The following GRK5 variants were observed in gnomAD, a reference collection of about 807,000 sequenced individuals.
The protein encoded by GRK5 is G protein-coupled receptor kinase 5, also known as g protein-coupled receptor kinase GRK5.
A neutral mutation model predicts 78.4 loss-of-function variants in GRK5; 40 were observed. That is an observed-to-expected ratio of 0.51 (90% CI 0.40 to 0.66). GRK5 has a LOEUF of 0.66. Among genes scored for constraint, GRK5 ranks in the 30% least tolerant of loss-of-function variants. GRK5 has a pLI of 0.00. For missense variants in GRK5, 598 were observed against 759.9 expected, an observed-to-expected ratio of 0.79 and a Z score of 2.50; for synonymous variants, 289 against 296.8, an observed-to-expected ratio of 0.97 and a Z score of 0.27.
In GRK5 at chr10:119,453,278, T is replaced by C; in HGVS notation, c.1674+2T>C. 1 of 1,613,770 alleles carries C rather than the reference T, an allele frequency of 6.2e-7. No homozygotes were observed. Among genetic ancestry groups the C allele is most frequent in the Non-Finnish European group, 8.5e-7 (1 of 1,179,956 alleles). On this transcript the variant is annotated splice_donor_variant, in intron 15 of 15. Coordinates refer to ENST00000392870, the MANE Select transcript of GRK5 (RefSeq NM_005308.3). LOFTEE classifies it high-confidence loss of function. ...CTCCAGAGACTCTTCAAGCGGCAGG[T>C]GAGACACCCATGCCTGGCCAGTCCT...
chr10:119,396,581 A>C, intron 3 of GRK5, 114 bp from the exon 4 acceptor site: 1 of 801,106 alleles, frequency 1.2e-6, no homozygotes, highest in Non-Finnish European at 2.1e-6. Flanking sequence ...CTGCAGGAGA[A>C]GGGGGTTGGT....
At chr10:119,377,479 C>A (rs1851643504) in intron 2 of GRK5, among the ~76,000 whole-genome samples, 1 of 152,144 alleles carries the variant, frequency 6.6e-6, no homozygotes, top group Admixed American at 6.5e-5. Context: ...AGAAAATGAA[C>A]CCATTGATCT....
chr10:119,285,737 A>G (rs1464208459), intron 1 of GRK5, among the ~76,000 whole-genome samples: 1 of 152,210 alleles, frequency 6.6e-6, no homozygotes, highest in Non-Finnish European at 1.5e-5. Flanking sequence ...TAACAACAAC[A>G]GTAAAACCTG....
In GRK5 at chr10:119,445,535, CTG is replaced by C. The variant is rs770694827; in HGVS notation, c.1266+1784_1266+1785del. On this transcript the variant is annotated intron_variant, in intron 12 of 15. Coordinates refer to ENST00000392870, the MANE Select transcript of GRK5 (RefSeq NM_005308.3). The surrounding 1 kb of genome is among the most constrained non-coding windows in gnomAD (Gnocchi z 4.1). ...TCCCTCTGCTGCCCCCTGGTGGACA[CTG>C]AGAGAAAGCCTGCTGCTCCCGGAGG... Among the ~76,000 whole-genome samples, 2 of 152,170 alleles carry C rather than the reference CTG, an allele frequency of 1.3e-5. No homozygotes were observed. The highest frequency in any genetic ancestry group is 2.9e-5 in the Non-Finnish European group (2 of 68,028).
chr10:119,322,262 G>T (rs1318728354), intron 1 of GRK5, among the ~76,000 whole-genome samples: 1 of 152,170 alleles, frequency 6.6e-6, no homozygotes, highest in East Asian at 1.9e-4. Context: ...CCCAACCCTT[G>T]ACATTTTAGA....
At chr10:119,258,743 TC>T (rs1273145558) in intron 1 of GRK5, among the ~76,000 whole-genome samples, 1 of 151,728 alleles carries the variant, frequency 6.6e-6, no homozygotes, top group South Asian at 2.1e-4. Flanking sequence ...GCCAGGAAAC[TC>T]CCCCCACCTC....
intron 1 of GRK5, among the ~76,000 whole-genome samples, chr10:119,221,394 A>G: frequency 6.6e-6 from 1 of 152,140 alleles, no homozygotes; most frequent in East Asian, 1.9e-4. Context: ...GCCTTTCCAT[A>G]TCTGTGTTTA....
At chr10:119,405,986 C>G (rs181883753) in intron 4 of GRK5, among the ~76,000 whole-genome samples, 15 of 152,258 alleles carry the variant, frequency 9.9e-5, no homozygotes, top group Admixed American at 8.5e-4. Flanking sequence ...AAGATTAAAT[C>G]CAAGCTAGAT....
chr10:119,224,024 G>A (rs1274782308), intron 1 of GRK5, among the ~76,000 whole-genome samples: 2 of 152,062 alleles, frequency 1.3e-5, no homozygotes, highest in Admixed American at 1.3e-4. Flanking sequence ...AGTCCGGCAC[G>A]GTGGCACTCA....
At chr10:119,276,925 A>G (rs1002815671) in intron 1 of GRK5, among the ~76,000 whole-genome samples, 16 of 152,214 alleles carry the variant, frequency 1.1e-4, no homozygotes, top group African/African-American at 3.9e-4. Flanking sequence ...GGGTCGTACC[A>G]TGATCAATTA....
intron 4 of GRK5, among the ~76,000 whole-genome samples, chr10:119,400,255 A>T (rs1852126369): frequency 6.6e-6 from 1 of 152,166 alleles, no homozygotes; most frequent in South Asian, 2.1e-4. Context: ...GTGCTCAGGG[A>T]AGTGTGGGGT....
intron 2 of GRK5, among the ~76,000 whole-genome samples, chr10:119,364,819 G>C (rs1308151634): frequency 6.6e-6 from 1 of 152,176 alleles, no homozygotes; most frequent in Non-Finnish European, 1.5e-5. Context: ...GTTCCAGTTT[G>C]GAATTTTTCA....
At position 119,238,474 on chromosome 10, in the gene GRK5, C is replaced by T. The variant is rs892167917; in HGVS notation, c.52+30505C>T. ...TGTTCTGATACTACACACCCCACCC[C>T]TCAACCGCCTGAGAAATTTCTGGAA... On this transcript the variant is annotated intron_variant, in intron 1 of 15. Transcript: ENST00000392870. This position sits in a 1 kb window ranked among gnomAD's most constrained non-coding sequence, Gnocchi z 4.7. Among the ~76,000 whole-genome samples, 1 of 152,182 alleles carries T rather than the reference C, an allele frequency of 6.6e-6. No homozygotes were observed. Among genetic ancestry groups the T allele is most frequent in the African/African-American group, 2.4e-5 (1 of 41,444 alleles).
chr10:119,300,732 G>T (rs1484109365), intron 1 of GRK5, among the ~76,000 whole-genome samples: 1 of 152,148 alleles, frequency 6.6e-6, no homozygotes, highest in Non-Finnish European at 1.5e-5. Flanking sequence ...TCTTGACCTT[G>T]AGGTTTACAA....
In GRK5 at chr10:119,207,811, C is replaced by G. The variant is rs539094837; in HGVS notation, c.-107C>G. On this transcript the variant is annotated 5_prime_UTR_variant, in exon 1 of 16. Transcript: ENST00000392870. ...AGGCAAGGCGGGCTGCTGGCTCCCCCGGCTCCGGCAGCAGCGGCGGCAGCC... is the reference window on the plus strand; with the variant it reads ...AGGCAAGGCGGGCTGCTGGCTCCCCGGGCTCCGGCAGCAGCGGCGGCAGCC... 1.3e-4 allele frequency: 141 copies of G among 1,100,476 alleles called. 2 individuals are homozygous for G. The South Asian group carries it at 1.9e-3, about 14-fold the overall frequency. The allele number at this position is 1,100,476 out of a possible 1,614,324, so 68.2% of individuals were successfully genotyped here. A position where few individuals can be genotyped will look rare whatever the true frequency, so the allele number is the denominator to read the frequency against.
chr10:119,443,814 C>A (rs1853088510), intron 12 of GRK5, 62 bp downstream of exon 12: 1 of 1,384,898 alleles, frequency 7.2e-7, no homozygotes, highest in Admixed American at 2.0e-5. Context: ...GGGCCTGGCC[C>A]CAGTCTGTCC....
intron 1 of GRK5, among the ~76,000 whole-genome samples, chr10:119,265,718 G>T (rs946122668): frequency 6.6e-6 from 1 of 152,220 alleles, no homozygotes; most frequent in Non-Finnish European, 1.5e-5. Context: ...GGGCTCCACT[G>T]TACTAAAAGC....
intron 2 of GRK5, among the ~76,000 whole-genome samples, chr10:119,344,886 C>CTTCT (rs986246390): frequency 3.8e-5 from 5 of 130,756 alleles, no homozygotes; most frequent in African/African-American, 1.5e-4. Context: ...TCCTTCCTTC[C>CTTCT]TTCCTTCCTT....
At chr10:119,433,825 C>A (rs983629974) in intron 8 of GRK5, among the ~76,000 whole-genome samples, 8 of 152,198 alleles carry the variant, frequency 5.3e-5, no homozygotes, top group African/African-American at 1.9e-4. Flanking sequence ...GAGGACTAGA[C>A]CCCCTCTCTT....
Sources: allele counts gnomAD v4.1 joint callset (sites outside exome capture counted in the v4.1 genomes callset), GRCh38; gene constraint gnomAD v4.1.1; non-coding constraint Gnocchi (gnomAD v3.1); transcripts MANE v1.5; gene names NCBI Gene and HGNC (gene_info 2026-07-23, HGNC 2026-07-21).